The following ASIP variants were observed in gnomAD, a reference collection of about 807,000 sequenced individuals.
The protein encoded by ASIP is agouti-signaling protein.
A neutral mutation model predicts 10.3 loss-of-function variants in ASIP; 11 were observed. The observed-to-expected ratio is 1.07, with a 90% CI of 0.68 to 1.78. The LOEUF is 1.78. ASIP is among the 40% of genes most tolerant of loss of function. ASIP has a pLI of 0.00. For synonymous variants in ASIP, 70 were observed against 70.8 expected, an observed-to-expected ratio of 0.99 and a Z score of 0.06; for missense variants, 180 against 169.2, an observed-to-expected ratio of 1.06 and a Z score of -0.35.
At chr20:34,258,183 G>A (rs1391209160) in intron 1 of ASIP, among the ~76,000 whole-genome samples, 1 of 151,562 alleles carries the variant, frequency 6.6e-6, no homozygotes, top group East Asian at 1.9e-4. Context: ...AAATAGTTAA[G>A]TGCTCCATCG....
intron 3 of ASIP, among the ~76,000 whole-genome samples, chr20:34,265,527 G>A (rs2035769190): frequency 6.6e-6 from 1 of 151,584 alleles, no homozygotes; most frequent in Admixed American, 6.6e-5. Context: ...CTGTCTCAAA[G>A]AAAAAAAGGA....
chr20:34,252,916 C>T (rs1158086159), intron 1 of ASIP, among the ~76,000 whole-genome samples: 3 of 152,160 alleles, frequency 2.0e-5, no homozygotes, highest in African/African-American at 4.8e-5. Flanking sequence ...CAAGGCACAT[C>T]CTGCACAGCC....
intron 1 of ASIP, among the ~76,000 whole-genome samples, chr20:34,208,639 G>A (rs2034953219): frequency 1.3e-5 from 2 of 152,176 alleles, no homozygotes; most frequent in African/African-American, 2.4e-5. Context: ...ACACATGAGC[G>A]ATACACAGCA....
At chr20:34,215,535 T>G (rs1484446811) in intron 1 of ASIP, 17 of 1,516,182 alleles carry the variant, frequency 1.1e-5, no homozygotes, top group Non-Finnish European at 1.6e-5. Flanking sequence ...TTGGGCCACT[T>G]AGTGAGATAT....
chr20:34,204,597 A>G (rs1423554409), intron 1 of ASIP, among the ~76,000 whole-genome samples: 1 of 152,196 alleles, frequency 6.6e-6, no homozygotes. Flanking sequence ...TGAAAATAGC[A>G]GGCATCCTTA....
intron 3 of ASIP, among the ~76,000 whole-genome samples, chr20:34,268,141 TC>T (rs1462950297): frequency 6.6e-6 from 1 of 152,214 alleles, no homozygotes; most frequent in Non-Finnish European, 1.5e-5. Flanking sequence ...AAATTCAGTT[TC>T]TAGGTTGCAC....
chr20:34,252,057 A>G (rs2035485684), intron 1 of ASIP, among the ~76,000 whole-genome samples: 1 of 152,252 alleles, frequency 6.6e-6, no homozygotes, highest in South Asian at 2.1e-4. Flanking sequence ...ATTTTTGTCA[A>G]GTTTCCACTC....
intron 1 of ASIP, among the ~76,000 whole-genome samples, chr20:34,201,211 G>T (rs534808587): frequency 6.6e-6 from 1 of 151,996 alleles, no homozygotes; most frequent in Non-Finnish European, 1.5e-5. Flanking sequence ...ACCGGAGTGC[G>T]GGTGACAAGG....
At chr20:34,257,065 TTTCTC>T in intron 1 of ASIP, among the ~76,000 whole-genome samples, 3 of 88,912 alleles carry the variant, frequency 3.4e-5, no homozygotes. Context: ...TCTCTCTTTC[TTTCTC>T]TTTTTTTTTT....
rs1568756587 is a variant in ASIP, at chr20:34,235,905, A to AGCG, written c.-10-24459_-10-24458insCGG. The stretch of plus-strand genomic sequence containing the variant: ...AGGAAGGAAGGAAGGAAGGAAAGGA[A>AGCG]GGAAGGAAGGAAGGAAGGAAGGAAG... On this transcript the variant is annotated intron_variant, in intron 1 of 3. Coordinates refer to the ASIP transcript ENST00000568305. Among the ~76,000 whole-genome samples, 19 of 94,022 alleles carry AGCG rather than the reference A, an allele frequency of 2.0e-4. 1 individual carries two copies. Among genetic ancestry groups the AGCG allele is most frequent in the African/African-American group, 1.2e-3 (17 of 14,320 alleles). The allele number at this position is 94,022 out of a possible 152,430, so 61.7% of individuals were successfully genotyped here. A position where few individuals can be genotyped will look rare whatever the true frequency, so the allele number is the denominator to read the frequency against.
At chr20:34,262,513 G>A (rs2035710969) in intron 2 of ASIP, among the ~76,000 whole-genome samples, 1 of 152,212 alleles carries the variant, frequency 6.6e-6, no homozygotes, top group Non-Finnish European at 1.5e-5. Flanking sequence ...GGGGCACCTG[G>A]GGTGGCTCTG....
intron 1 of ASIP, among the ~76,000 whole-genome samples, chr20:34,210,829 T>C (rs2034969837): frequency 6.6e-6 from 1 of 152,250 alleles, no homozygotes; most frequent in Non-Finnish European, 1.5e-5. Context: ...GGGACCTTAT[T>C]CATTTTATGA....
chr20:34,214,168 T>G, intron 1 of ASIP: 2 of 1,212,018 alleles, frequency 1.7e-6, no homozygotes, highest in Non-Finnish European at 2.5e-6. Context: ...CTATTCAAAA[T>G]ATCCTCAATG....
chr20:34,219,219 GAAA>G (rs2035029451), intron 1 of ASIP, among the ~76,000 whole-genome samples: 2 of 152,300 alleles, frequency 1.3e-5, no homozygotes, highest in South Asian at 4.1e-4. Context: ...ACACTATATG[GAAA>G]GAGGTGATCC....
chr20:34,213,486 A>G, intron 1 of ASIP: 1 of 1,369,500 alleles, frequency 7.3e-7, no homozygotes, highest in South Asian at 1.4e-5. Flanking sequence ...GAACACTGAA[A>G]AAGTCTGTCT....
intron 1 of ASIP, among the ~76,000 whole-genome samples, chr20:34,235,846 AAGGAAGGAAGGAAG>A (rs2035183803): frequency 2.2e-5 from 1 of 45,580 alleles, no homozygotes; most frequent in African/African-American, 3.0e-4. Context: ...AGAAAGAAGG[AAGGAAGGAAGGAAG>A]GAAGGAAAGG....
chr20:34,258,690 T>TATATATATATATATATATATAC lies in ASIP; in HGVS notation c.-10-1674_-10-1673insTATATATATATATATATATACA, dbSNP rs1250992566. 2.8e-4 allele frequency among the ~76,000 whole-genome samples: 20 copies of TATATATATATATATATATATAC among 72,304 alleles called. 2 individuals carry two copies. Among genetic ancestry groups the TATATATATATATATATATATAC allele is most frequent in the East Asian group, 9.6e-4 (2 of 2,092 alleles). The allele number at this position is 72,304 out of a possible 152,430, so 47.4% of individuals were successfully genotyped here. ...GGGGGATGCCATATATATATATATATACATACTATATATATATATTATATA... is the reference window on the plus strand; with the variant it reads ...GGGGGATGCCATATATATATATATATATATATATATATATATATATACACATACTATATATATATATTATATA... On this transcript the variant is annotated intron_variant, in intron 1 of 3. Coordinates refer to ENST00000374954, the MANE Select transcript of ASIP (RefSeq NM_001672.3).
chr20:34,259,819 T>A (rs2035657784), intron 1 of ASIP, among the ~76,000 whole-genome samples: 1 of 151,986 alleles, frequency 6.6e-6, no homozygotes, highest in Non-Finnish European at 1.5e-5. Flanking sequence ...AACAGCTCCA[T>A]CCTCCTGACA....
At chr20:34,220,536 A>G (rs1252052043) in intron 1 of ASIP, among the ~76,000 whole-genome samples, 1 of 151,892 alleles carries the variant, frequency 6.6e-6, no homozygotes, top group Non-Finnish European at 1.5e-5. Context: ...CAGAGGTTGC[A>G]GTGTGCTGAG....
Sources: allele counts gnomAD v4.1 joint callset (sites outside exome capture counted in the v4.1 genomes callset), GRCh38; gene constraint gnomAD v4.1.1; transcripts MANE v1.5; gene names NCBI Gene and HGNC (gene_info 2026-07-23, HGNC 2026-07-21).